GPAM: variants seen among roughly 807,000 people sequenced by gnomAD.
GPAM encodes the protein glycerol-3-phosphate acyltransferase, mitochondrial.
In GPAM, 56 loss-of-function variants were observed where a neutral mutation model predicts 105.0. That is an observed-to-expected ratio of 0.53 (90% CI 0.43 to 0.67). The LOEUF is 0.67. GPAM is among the 30% of genes least tolerant of loss of function. GPAM has a pLI of 0.00. For missense variants in GPAM, 855 were observed against 989.8 expected, an observed-to-expected ratio of 0.86 and a Z score of 1.83; for synonymous variants, 368 against 354.4, an observed-to-expected ratio of 1.04 and a Z score of -0.43.
chr10:112,172,209 C>T lies in GPAM; in HGVS notation c.767G>A (p.Gly256Asp). 2 of 1,609,234 alleles carry T rather than the reference C, an allele frequency of 1.2e-6. No individual in the cohort carries two copies. The highest frequency in any genetic ancestry group is 1.7e-6 in the Non-Finnish European group (2 of 1,175,824). ...HNIKAPYIASGNNLNIPIFST... is the reference protein window; with the variant it reads ...HNIKAPYIASDNNLNIPIFST... The stretch of plus-strand genomic sequence containing the variant: ...GAAGATTGGGATGTTGAGATTATTG[C>T]CTGAAGCAATGTATGGTGCTTTGAT... Residue 256 changes from glycine (G) to aspartate (D), a missense_variant, in exon 9 of 22, where the codon GGC (glycine) becomes GAC (aspartate). Physicochemically the swap from Gly to Asp is moderately conservative, Grantham distance 94. Transcript: ENST00000348367.
In GPAM at chr10:112,160,697, A is replaced by G; in HGVS notation, c.1666T>C (p.Phe556Leu). The change falls in exon 16 of 22, where the codon TTT becomes CTT. Residue 556 changes from phenylalanine (F) to leucine (L), a missense_variant. Transcript: ENST00000348367. ...ITHTSRNDEF[F>L]ITPSTTVPSV... is the part of the protein sequence containing the mutation. ...GGGACAGTTGTGCTGGGGGTGATAA[A>G]AAACTCATCGTTCCTGCTAGTGTGG... The G allele has an allele frequency of 6.2e-7, 1 of 1,614,010 alleles. No individual in the cohort carries two copies.
chr10:112,163,644 G>C, intron 14 of GPAM, 57 bp downstream of exon 14: 1 of 856,426 alleles, frequency 1.2e-6, no homozygotes. Flanking sequence ...TGTATAGTTT[G>C]CACCATACCA....
chr10:112,170,878 CTT>C (rs1847301423), intron 9 of GPAM, among the ~76,000 whole-genome samples: 1 of 152,174 alleles, frequency 6.6e-6, no homozygotes, highest in Non-Finnish European at 1.5e-5. Context: ...CATGGCTTCT[CTT>C]CAGTTGGGTC....
At chr10:112,192,898 T>C (rs532921364) in intron 1 of GPAM, among the ~76,000 whole-genome samples, 2 of 152,182 alleles carry the variant, frequency 1.3e-5, no homozygotes, top group African/African-American at 4.8e-5. Context: ...CTATGTTGTA[T>C]GCAGGGGCCT....
At chr10:112,220,271 C>T (rs572765456), upstream of GPAM, among the ~76,000 whole-genome samples, 5 of 151,596 alleles carry the variant, frequency 3.3e-5, no homozygotes, top group African/African-American at 7.3e-5. Flanking sequence ...CTGAATGTTT[C>T]GGGTGATTGA....
At chr10:112,185,294 C>T (rs1267695752), upstream of GPAM, among the ~76,000 whole-genome samples, 1 of 151,400 alleles carries the variant, frequency 6.6e-6, no homozygotes, top group African/African-American at 2.4e-5. Context: ...GGAATCCAAA[C>T]AGAATTATCA....
chr10:112,160,538 A>T, intron 16 of GPAM, 66 bp downstream of exon 16: 1 of 1,450,510 alleles, frequency 6.9e-7, no homozygotes, highest in Non-Finnish European at 9.7e-7. Flanking sequence ...AGCAGATACC[A>T]CTATGTGTTT....
intron 11 of GPAM, among the ~76,000 whole-genome samples, chr10:112,167,429 T>A (rs1485034350): frequency 6.6e-6 from 1 of 152,078 alleles, no homozygotes; most frequent in Non-Finnish European, 1.5e-5. Flanking sequence ...ACAAAATGAA[T>A]ATATATGGTC....
Position 112,168,914 on chromosome 10 carries a change from C to T in GPAM, c.833G>A (p.Arg278Gln). 1.2e-6 allele frequency: 2 copies of T among 1,611,686 alleles called. No homozygotes were observed. Among genetic ancestry groups the T allele is most frequent in the Non-Finnish European group, 1.7e-6 (2 of 1,177,870 alleles). The part of the protein sequence containing the change: ...IHKLGGFFIR[R>Q]RLDETPDGRK... ...TCCATCTGGTGTTTCATCGAGCCTTCGTCGTATGAAGAAGCCCCCAAGCTT... is the reference window on the plus strand; with the variant it reads ...TCCATCTGGTGTTTCATCGAGCCTTTGTCGTATGAAGAAGCCCCCAAGCTT... The change falls in exon 10 of 22, where the codon CGA (arginine) becomes CAA (glutamine). Residue 278 changes from arginine (R) to glutamine (Q), a missense_variant. By Grantham distance (43) the Arg-to-Gln change is conservative. Transcript: ENST00000348367.
intron 9 of GPAM, among the ~76,000 whole-genome samples, chr10:112,171,279 T>C (rs1049635429): frequency 4.6e-5 from 7 of 152,144 alleles, no homozygotes; most frequent in African/African-American, 7.2e-5. Context: ...TGAGCCCCCA[T>C]AGGGACTAGC....
chr10:112,193,910 C>T (rs572338321), intron 1 of GPAM, among the ~76,000 whole-genome samples: 42 of 152,316 alleles, frequency 2.8e-4, no homozygotes, highest in African/African-American at 9.6e-4. Context: ...TGGATCCTCA[C>T]AAAATTTGTC....
intron 9 of GPAM, among the ~76,000 whole-genome samples, chr10:112,170,939 A>G (rs1191278577): frequency 5.3e-5 from 8 of 152,182 alleles, no homozygotes; most frequent in African/African-American, 1.9e-4. Context: ...AGAACTCTGA[A>G]CCAAGGGATT....
chr10:112,155,695 T>C, intron 20 of GPAM, 169 bp downstream of exon 20: 2 of 574,594 alleles, frequency 3.5e-6, no homozygotes, highest in Non-Finnish European at 6.1e-6. Context: ...TAAGAGTGTA[T>C]AACTGTATCA....
chr10:112,184,546 G>A (rs1258186796), upstream of GPAM, among the ~76,000 whole-genome samples: 1 of 152,150 alleles, frequency 6.6e-6, no homozygotes, highest in Non-Finnish European at 1.5e-5. Flanking sequence ...AGCTAAGATG[G>A]AGCAACAGGA....
intron 1 of GPAM, among the ~76,000 whole-genome samples, chr10:112,207,558 A>T (rs1177410841): frequency 6.6e-6 from 1 of 152,244 alleles, no homozygotes; most frequent in Admixed American, 6.5e-5. Context: ...ATCAAGCCAA[A>T]TGAATTTATT....
At position 112,164,538 on chromosome 10, in the gene GPAM, TA is replaced by T; in HGVS notation, c.1293del (p.Ile432TyrfsTer33). 6.4e-7 allele frequency: 1 copy of T among 1,572,704 alleles called. No homozygotes were observed. The highest frequency in any genetic ancestry group is 8.8e-7 in the Non-Finnish European group (1 of 1,142,290). The part of the protein sequence containing the change: ...LLSLEQALLP[A>X]ILPSRPSDAA... ...TACAAATTTTACCTTGAAGGAAGTATAGCTGGTAACAACGCTTGCTCCAGGG... is the reference window on the plus strand; with the variant it reads ...TACAAATTTTACCTTGAAGGAAGTATGCTGGTAACAACGCTTGCTCCAGGG... On this transcript the variant is annotated frameshift_variant, in exon 13 of 22. Coordinates refer to ENST00000348367, the MANE Select transcript of GPAM (RefSeq NM_001244949.2). LOFTEE classifies it high-confidence loss of function.
intron 11 of GPAM, among the ~76,000 whole-genome samples, chr10:112,167,722 A>T (rs1478370515): frequency 6.6e-6 from 1 of 152,248 alleles, no homozygotes; most frequent in Non-Finnish European, 1.5e-5. Context: ...TAGGAGAAGC[A>T]CAAGGAGGGT....
chr10:112,188,267 T>C (rs117246795), upstream of GPAM, among the ~76,000 whole-genome samples: 4 of 152,246 alleles, frequency 2.6e-5, no homozygotes, highest in Non-Finnish European at 5.9e-5. Context: ...AGAAAATCCA[T>C]AGAGTTAATG....
rs751622998 is a variant in GPAM at position 112,159,962 on chromosome 10, C to T, written c.1851G>A (p.Arg617=). Residue 617 remains arginine (R), a synonymous_variant, in exon 17 of 22, where the codon CGG becomes CGA. Coordinates refer to ENST00000348367, the MANE Select transcript of GPAM (RefSeq NM_001244949.2). The part of the protein sequence containing the change: ...PNLISQEQLV[R]KAASLCYLLS... ...GAAGGTAGCACAGGCTGGCCGCCTT[C>T]CGCACCAGCTGCTCCTGGCTGATCA... 42 of 1,613,890 alleles carry T rather than the reference C, an allele frequency of 2.6e-5. No individual in the cohort carries two copies. The highest frequency in any genetic ancestry group is 3.4e-5 in the Non-Finnish European group (40 of 1,179,918).
Sources: allele counts gnomAD v4.1 joint callset (sites outside exome capture counted in the v4.1 genomes callset), GRCh38; gene constraint gnomAD v4.1.1; transcripts MANE v1.5; gene names NCBI Gene and HGNC (gene_info 2026-07-23, HGNC 2026-07-21).